Variants in SERPING1 observed in about 807,000 individuals in gnomAD.
SERPING1 encodes serpin family G member 1, also known as plasma protease C1 inhibitor.
Under a neutral mutation model 34.1 loss-of-function variants are expected in SERPING1, and 5 were observed. The observed-to-expected ratio is 0.15, with a 90% CI of 0.08 to 0.31. The LOEUF is 0.31. Among genes scored for constraint, SERPING1 ranks in the 10% least tolerant of loss-of-function variants. The probability of loss-of-function intolerance (pLI) is 1.00; values close to 1 mark genes in which losing one functional copy is unlikely to be tolerated. For synonymous variants in SERPING1, 225 were observed against 242.4 expected (o/e 0.93, Z 0.67); for missense variants, 505 against 609.5 (o/e 0.83, Z 1.81).
At chr11:57,612,207 C>A (rs1483730520) in intron 7 of SERPING1, among the ~76,000 whole-genome samples, 1 of 152,084 alleles carries the variant, frequency 6.6e-6, no homozygotes, top group Non-Finnish European at 1.5e-5. Context: ...GTCTCCAGCT[C>A]TCCTGAGTTT....
At chr11:57,609,406 C>T (rs758051861) in intron 6 of SERPING1, among the ~76,000 whole-genome samples, 1 of 152,004 alleles carries the variant, frequency 6.6e-6, no homozygotes, top group South Asian at 2.1e-4. Context: ...TTGTGAAACC[C>T]CATCTCCATT....
At chr11:57,599,170 A>C (rs1486031301) in intron 2 of SERPING1, among the ~76,000 whole-genome samples, 1 of 152,060 alleles carries the variant, frequency 6.6e-6, no homozygotes, top group African/African-American at 2.4e-5. Flanking sequence ...TTCATTGCTG[A>C]GGGGCTACCC....
intron 3 of SERPING1, 27 bp downstream of exon 3, chr11:57,600,404 G>A: frequency 6.2e-7 from 1 of 1,611,638 alleles, no homozygotes; most frequent in Non-Finnish European, 8.5e-7. Context: ...ATTCTCTCCA[G>A]GTCATTTGTT....
At chr11:57,604,077 A>G (rs1474933040) in intron 4 of SERPING1, among the ~76,000 whole-genome samples, 1 of 151,074 alleles carries the variant, frequency 6.6e-6, no homozygotes, top group Non-Finnish European at 1.5e-5. Context: ...GGTTGCAGTC[A>G]GCTGAGATCG....
chr11:57,604,218 C>T (rs1404748463), intron 4 of SERPING1, among the ~76,000 whole-genome samples: 2 of 151,472 alleles, frequency 1.3e-5, no homozygotes, highest in African/African-American at 4.9e-5. Flanking sequence ...ATAAAATAGA[C>T]AAAAAATTTT....
At position 57,600,347 on chromosome 11, in the gene SERPING1, A is replaced by G. The variant is rs1048211407; in HGVS notation, c.520A>G (p.Ile174Val). Reference protein sequence around the residue: ...ETNMAFSPFSIASLLTQVLLG... With the variant: ...ETNMAFSPFSVASLLTQVLLG... ...CAACATGGCCTTTTCCCCATTCAGC[A>G]TCGCCAGCCTCCTTACCCAGGTCCT... is the stretch of plus-strand genomic sequence containing the variant. Residue 174 changes from isoleucine (I) to valine (V), a missense_variant, in exon 3 of 8, where the codon ATC becomes GTC. Physicochemically the swap from Ile to Val is conservative, Grantham distance 29 (BLOSUM62 3). Transcript: ENST00000278407. 1.9e-6 allele frequency: 3 copies of G among 1,612,530 alleles called. No homozygotes were observed. The highest frequency in any genetic ancestry group is 2.5e-6 in the Non-Finnish European group (3 of 1,180,018).
intron 3 of SERPING1, among the ~76,000 whole-genome samples, chr11:57,601,610 G>A (rs563527161): frequency 2.6e-5 from 4 of 151,972 alleles, no homozygotes; most frequent in East Asian, 3.9e-4. Flanking sequence ...GGCTGGGCAC[G>A]GTGACTCACA....
chr11:57,598,162 A>T, intron 1 of SERPING1, 87 bp from the exon 2 acceptor site: 1 of 1,005,334 alleles, frequency 9.9e-7, no homozygotes, highest in African/African-American at 1.6e-5. Flanking sequence ...CTGGGGCCTG[A>T]GACGGAATGG....
chr11:57,599,499 C>A (rs1421469179), intron 2 of SERPING1, among the ~76,000 whole-genome samples: 1 of 152,148 alleles, frequency 6.6e-6, no homozygotes, highest in Non-Finnish European at 1.5e-5. Flanking sequence ...AATGTCTGTA[C>A]TAGCCAAGCA....
chr11:57,602,793 AAC>A (rs1945366095), intron 4 of SERPING1, among the ~76,000 whole-genome samples: 1 of 149,200 alleles, frequency 6.7e-6, no homozygotes, highest in Non-Finnish European at 1.5e-5. Flanking sequence ...CAAAAAAAAA[AAC>A]AAAGAAGGAG....
At chr11:57,611,298 G>C in intron 6 of SERPING1, 1 of 254,312 alleles carries the variant, frequency 3.9e-6, no homozygotes, top group South Asian at 5.3e-5. Context: ...ACTAAGATTT[G>C]TACTTATTCT....
At position 57,611,845 on chromosome 11, in the gene SERPING1, G is replaced by A. The variant is rs1315207050; in HGVS notation, c.1158G>A (p.Leu386=). Residue 386 remains leucine (L), a synonymous_variant, in exon 7 of 8, where the codon CTG becomes CTA. Coordinates refer to ENST00000278407, the MANE Select transcript of SERPING1 (RefSeq NM_000062.3). ...PSVFKAIMEK[L]EMSKFQPTLL... ...TTTTCAAGGCCATCATGGAGAAACT[G>A]GAGATGTCCAAGTTCCAGCCCACTC... 1 of 1,614,164 alleles carries A rather than the reference G, an allele frequency of 6.2e-7. No individual in the cohort carries two copies. Among genetic ancestry groups the A allele is most frequent in the Admixed American group, 1.7e-5 (1 of 60,010 alleles).
At chr11:57,612,526 G>T (rs770342594) in intron 7 of SERPING1, among the ~76,000 whole-genome samples, 2 of 149,656 alleles carry the variant, frequency 1.3e-5, no homozygotes, top group African/African-American at 2.5e-5. Context: ...CCATTCTCTC[G>T]CCTCAGCCTC....
chr11:57,605,872 G>T (rs1340296999), intron 4 of SERPING1, 138 bp from the exon 5 acceptor site: 6 of 844,120 alleles, frequency 7.1e-6, no homozygotes, highest in Non-Finnish European at 1.2e-5. Flanking sequence ...AAGAGGAGTG[G>T]GCTGGACCGC....
chr11:57,601,536 A>G (rs1049870787), intron 3 of SERPING1, among the ~76,000 whole-genome samples: 1 of 152,054 alleles, frequency 6.6e-6, no homozygotes, highest in African/African-American at 2.4e-5. Context: ...AAATTACTAC[A>G]AGCAGTGGGG....
intron 7 of SERPING1, among the ~76,000 whole-genome samples, chr11:57,613,312 C>G (rs977165579): frequency 6.6e-6 from 1 of 152,074 alleles, no homozygotes; most frequent in Non-Finnish European, 1.5e-5. Flanking sequence ...ACATCAGATC[C>G]CGTGCAGTTT....
chr11:57,614,286 C>G (rs1178370382), intron 7 of SERPING1, 42 bp from the exon 8 acceptor site: 1 of 1,609,314 alleles, frequency 6.2e-7, no homozygotes, highest in Non-Finnish European at 8.5e-7. Context: ...CTGAGGGTAT[C>G]ATGCTGGCTT....
chr11:57,601,855 CAAAAAAAAA>C lies in SERPING1; in HGVS notation c.551-162_551-154del, dbSNP rs5792050. Among the ~76,000 whole-genome samples, 716 of 57,804 alleles carry C rather than the reference CAAAAAAAAA, an allele frequency of 0.012. 7 individuals carry two copies. The highest frequency in any genetic ancestry group is 0.046 in the African/African-American group (674 of 14,792). 37.9% of individuals were successfully genotyped at this position (57,804 alleles called of 152,430 possible). A position where few individuals can be genotyped will look rare whatever the true frequency, so the allele number is the denominator to read the frequency against. On this transcript the variant is annotated intron_variant, in intron 3 of 7. Coordinates refer to ENST00000278407, the MANE Select transcript of SERPING1 (RefSeq NM_000062.3). The stretch of plus-strand genomic sequence containing the variant: ...TGGGCAACAAAGCAAGACTCTGTCT[CAAAAAAAAA>C]AAAAAAAAAAAAAAAAAGAGAGATT...
chr11:57,614,238 G>A, intron 7 of SERPING1, 90 bp from the exon 8 acceptor site: 1 of 1,524,858 alleles, frequency 6.6e-7, no homozygotes, highest in Admixed American at 1.7e-5. Flanking sequence ...TGGGACTCAG[G>A]ATGAACCCAG....
Sources: allele counts gnomAD v4.1 joint callset (sites outside exome capture counted in the v4.1 genomes callset), GRCh38; gene constraint gnomAD v4.1.1; transcripts MANE v1.5; gene names NCBI Gene and HGNC (gene_info 2026-07-23, HGNC 2026-07-21).